The following TRIM65 variants were observed in gnomAD, a reference collection of about 807,000 sequenced individuals.
The protein encoded by TRIM65 is E3 ubiquitin-protein ligase TRIM65.
In TRIM65, 46 loss-of-function variants were observed where a neutral mutation model predicts 36.1. The ratio of observed to expected loss-of-function variants is 1.27; its 90% CI spans 1.01 to 1.63. The LOEUF (loss-of-function observed/expected upper bound fraction) is 1.63, where lower values mean the gene tolerates loss of function less well. Among genes scored for constraint, TRIM65 ranks in the 40% most tolerant of loss-of-function variants. The pLI, the probability that TRIM65 is intolerant of heterozygous loss-of-function variation, is 0.00. For missense variants in TRIM65, 708 were observed against 696.6 expected, an observed-to-expected ratio of 1.02 and a Z score of -0.18; for synonymous variants, 346 against 313.6, an observed-to-expected ratio of 1.10 and a Z score of -1.09.
chr17:75,886,708 G>C (rs1473027017), downstream of TRIM65, among the ~76,000 whole-genome samples: 1 of 151,930 alleles, frequency 6.6e-6, no homozygotes, highest in East Asian at 1.9e-4. Context: ...TTCTGTCTCT[G>C]GGTGACCATC....
rs1225131630 is a variant in TRIM65 at position 75,889,221 on chromosome 17, A to G, written c.*1558T>C. On this transcript the variant is annotated 3_prime_UTR_variant, in exon 6 of 6. Transcript: ENST00000269383. Reference sequence around the variant, plus strand: ...CAGGCGCACACCACCATGCCCGGCTAATTTTTGTATTTTTAGTAGAGACGG... The same window carrying G: ...CAGGCGCACACCACCATGCCCGGCTGATTTTTGTATTTTTAGTAGAGACGG... 6.6e-6 allele frequency: 1 copy of G among 151,958 alleles called. No homozygotes were observed. Among genetic ancestry groups the G allele is most frequent in the African/African-American group, 2.4e-5 (1 of 41,356 alleles). The allele number at this position is 151,958 out of a possible 1,614,324, so 9.4% of individuals were successfully genotyped here. A position where few individuals can be genotyped will look rare whatever the true frequency, so the allele number is the denominator to read the frequency against.
rs868715983 is a variant in TRIM65, at chr17:75,892,167, G to A, written c.763C>T (p.Pro255Ser). The A allele has an allele frequency of 6.4e-7, 1 of 1,569,094 alleles. No homozygotes were observed. The highest frequency in any genetic ancestry group is 8.6e-7 in the Non-Finnish European group (1 of 1,156,818). Reference protein sequence around the residue: ...TFLQESQLLQPPGPLGPLTPL... With the variant: ...TFLQESQLLQSPGPLGPLTPL... ...GTCAGTGGCCCAAGAGGCCCTGGGG[G>A]CTGGAGGAGCTGCGATTCCTGAGCC... Residue 255 changes from proline (P) to serine (S), a missense_variant, in exon 4 of 6, where the codon CCC (proline) becomes TCC (serine). Pro to Ser is a moderately conservative substitution (Grantham distance 74). Coordinates refer to ENST00000269383, the MANE Select transcript of TRIM65 (RefSeq NM_173547.4).
At chr17:75,891,747 AGCACACACAGGCACTTCCTTGCACAC>A (rs1459838446) in intron 5 of TRIM65, 40 bp downstream of exon 5, 5 of 1,021,826 alleles carry the variant, frequency 4.9e-6, no homozygotes, top group Non-Finnish European at 6.6e-6. Context: ...ACGTGCTCAC[AGCACACACAGGCACTTCCTTGCACAC>A]GCACACACAG....
intron 4 of TRIM65, among the ~76,000 whole-genome samples, chr17:75,880,840 C>G (rs931863900): frequency 1.3e-4 from 19 of 150,456 alleles, no homozygotes; most frequent in Admixed American, 5.9e-4. Flanking sequence ...GTTTCCCCAG[C>G]TCTCTAGGCT....
intron 1 of TRIM65, among the ~76,000 whole-genome samples, chr17:75,893,762 C>T (rs1418829966): frequency 6.6e-6 from 1 of 152,112 alleles, no homozygotes; most frequent in Non-Finnish European, 1.5e-5. Flanking sequence ...GGCAGGCTCT[C>T]CCAGGGCACC....
Position 75,889,046 on chromosome 17 carries a change from G to A in TRIM65, c.*1733C>T, listed in dbSNP as rs2065232726. The stretch of plus-strand genomic sequence containing the variant: ...CCAGTTTTTCAAGTTACAAAAAGCA[G>A]ACAGCCCTCCCTTTTTTTTTTTTTT... On this transcript the variant is annotated 3_prime_UTR_variant, in exon 6 of 6. Coordinates refer to ENST00000269383, the MANE Select transcript of TRIM65 (RefSeq NM_173547.4). 1 of 151,396 alleles carries A rather than the reference G, an allele frequency of 6.6e-6. No individual in the cohort carries two copies. Among genetic ancestry groups the A allele is most frequent in the Non-Finnish European group, 1.5e-5 (1 of 67,912 alleles). 9.4% of individuals were successfully genotyped at this position (151,396 alleles called of 1,614,324 possible).
At chr17:75,880,006 G>A (rs1256556231), downstream of TRIM65, among the ~76,000 whole-genome samples, 2 of 150,602 alleles carry the variant, frequency 1.3e-5, no homozygotes, top group African/African-American at 2.5e-5. Context: ...CACCCGCCTC[G>A]GCCTCCCAAA....
chr17:75,883,526 GTTTTTTTT>G (rs58142876), intron 4 of TRIM65, among the ~76,000 whole-genome samples: 1 of 118,346 alleles, frequency 8.4e-6, no homozygotes, highest in Non-Finnish European at 1.6e-5. Flanking sequence ...CTCTGAACAA[GTTTTTTTT>G]TTTTTTTTTT....
chr17:75,886,990 TGACAA>T (rs1370942504), downstream of TRIM65, among the ~76,000 whole-genome samples: 1 of 150,874 alleles, frequency 6.6e-6, no homozygotes, highest in African/African-American at 2.4e-5. Flanking sequence ...ACCCCATTCT[TGACAA>T]GAAATTTAAA....
rs145479990 is a variant in TRIM65, at chr17:75,883,399, G to A, written c.350-2770C>T. Among the ~76,000 whole-genome samples the A allele has an allele frequency of 5.7e-3, 864 of 152,188 alleles. 6 individuals are homozygous for A. Among genetic ancestry groups the A allele is most frequent in the Middle Eastern group, 0.034 (10 of 290 alleles). Reference sequence around the variant, plus strand: ...CCCAAATTGCTGGGACTACAGGCAAGAGCCACGGTGCCTAGCCTTCTTTAT... The same window carrying A: ...CCCAAATTGCTGGGACTACAGGCAAAAGCCACGGTGCCTAGCCTTCTTTAT... On this transcript the variant is annotated intron_variant, in intron 4 of 4. Transcript: ENST00000591668.
chr17:75,892,548 T>C lies in TRIM65; in HGVS notation c.511-48A>G. 4 of 1,541,314 alleles carry C rather than the reference T, an allele frequency of 2.6e-6. No individual in the cohort carries two copies. In the South Asian group the frequency reaches 3.5e-5, roughly 13 times the overall value. On this transcript the variant is annotated intron_variant, in intron 2 of 5. Coordinates refer to ENST00000269383, the MANE Select transcript of TRIM65 (RefSeq NM_173547.4). ...TCAGGGTGGCCAGGGCCCTGTGCCA[T>C]ACCAAGGGAGGCTAGGGCCAGGGCT...
rs529728698 is a variant in TRIM65 at position 75,889,085 on chromosome 17, C to T, written c.*1694G>A. ...TTTTTTTTTTTTTTTGAGACAGAGT[C>T]TCGCTCTGTCACCCAGGCTGTAGTC... On this transcript the variant is annotated 3_prime_UTR_variant, in exon 6 of 6. Transcript: ENST00000269383. The T allele has an allele frequency of 3.5e-5, 5 of 141,362 alleles. No individual in the cohort carries two copies. Among genetic ancestry groups the T allele is most frequent in the Non-Finnish European group, 6.0e-5 (4 of 66,268 alleles). The allele number at this position is 141,362 out of a possible 1,614,324, so 8.8% of individuals were successfully genotyped here.
rs186454599 is a variant in TRIM65, at chr17:75,895,123, C to T, written c.414+1401G>A. ...CAGGACATAGCACCCCAGCCACCTG[C>T]GTGCTCAAGACAGAAACCCAGGTGT... On this transcript the variant is annotated intron_variant, in intron 1 of 5. Transcript: ENST00000269383. Among the ~76,000 whole-genome samples, 8 of 152,290 alleles carry T rather than the reference C, an allele frequency of 5.3e-5. No homozygotes were observed. In the East Asian group the frequency reaches 1.3e-3, roughly 26 times the overall value.
At chr17:75,888,664 C>T (rs1354751254), downstream of TRIM65, among the ~76,000 whole-genome samples, 4 of 152,216 alleles carry the variant, frequency 2.6e-5, no homozygotes, top group Non-Finnish European at 1.5e-5. Context: ...CCCACCATTG[C>T]CCCTAGCTGG....
intron 1 of TRIM65, among the ~76,000 whole-genome samples, chr17:75,895,009 G>C (rs2144098304): frequency 6.6e-6 from 1 of 152,328 alleles, no homozygotes; most frequent in African/African-American, 2.4e-5. Context: ...AGGGTCCCAG[G>C]TGCCACAGGC....
chr17:75,887,317 C>T (rs930775604), downstream of TRIM65, among the ~76,000 whole-genome samples: 2 of 151,248 alleles, frequency 1.3e-5, no homozygotes, highest in Non-Finnish European at 2.9e-5. Flanking sequence ...AACCATGACT[C>T]TACTAAAAAT....
At chr17:75,892,695 G>A (rs895651108) in intron 2 of TRIM65, 60 bp downstream of exon 2, 38 of 1,498,336 alleles carry the variant, frequency 2.5e-5, no homozygotes, top group Non-Finnish European at 3.5e-5. Flanking sequence ...GGGACCAGCT[G>A]GTGGCCGCCC....
intron 1 of TRIM65, among the ~76,000 whole-genome samples, chr17:75,893,394 G>A (rs2065300939): frequency 6.6e-6 from 1 of 152,174 alleles, no homozygotes; most frequent in African/African-American, 2.4e-5. Flanking sequence ...AGATTCTTCT[G>A]GGGATCCGGC....
downstream of TRIM65, among the ~76,000 whole-genome samples, chr17:75,884,897 TTGG>T (rs1278144815): frequency 1.3e-5 from 2 of 151,728 alleles, no homozygotes; most frequent in Non-Finnish European, 2.9e-5. Flanking sequence ...TCCCAAAGTG[TTGG>T]GATTACAGGT....
Sources: gnomAD v4.1 joint callset for allele counts (sites outside exome capture counted in the v4.1 genomes callset) on GRCh38, gnomAD v4.1.1 for gene constraint, MANE v1.5 for transcripts, NCBI Gene and HGNC (gene_info 2026-07-23, HGNC 2026-07-21) for gene names.